COL6A6: variants seen among roughly 807,000 people sequenced by gnomAD.
COL6A6 encodes collagen type VI alpha 6 chain.
Under a neutral mutation model 208.6 loss-of-function variants are expected in COL6A6, and 183 were observed. That is an observed-to-expected ratio of 0.88 (90% CI 0.78 to 0.99). The LOEUF is 0.99. Among genes scored for constraint, COL6A6 ranks in the 50% least tolerant of loss-of-function variants. The probability of loss-of-function intolerance (pLI) is 0.00; values close to 1 mark genes in which losing one functional copy is unlikely to be tolerated. For synonymous variants in COL6A6, 973 were observed against 1,011.8 expected (o/e 0.96, Z 0.73); for missense variants, 2,816 against 2,815.2 (o/e 1.00, Z -0.01).
intron 26 of COL6A6, 25 bp from the exon 27 acceptor site, chr3:130,634,565 A>G (rs2065053395): frequency 2.5e-6 from 4 of 1,594,406 alleles, no homozygotes; most frequent in East Asian, 4.5e-5. Context: ...GTGCCTGTAT[A>G]AATCTTTCCT....
chr3:130,655,462 C>T (rs539760632), intron 33 of COL6A6, among the ~76,000 whole-genome samples: 2 of 152,206 alleles, frequency 1.3e-5, no homozygotes, highest in South Asian at 2.1e-4. Context: ...TGATCTTGGA[C>T]CCAGCCAATA....
intron 36 of COL6A6, among the ~76,000 whole-genome samples, chr3:130,669,322 G>A (rs1338048769): frequency 6.6e-6 from 1 of 152,110 alleles, no homozygotes; most frequent in Admixed American, 6.5e-5. Context: ...TCCAACTCAG[G>A]AGGTAGAGGT....
intron 7 of COL6A6, 38 bp from the exon 8 acceptor site, chr3:130,573,918 C>A: frequency 7.1e-7 from 1 of 1,416,950 alleles, no homozygotes. Context: ...GAAAGAATAA[C>A]AATCTGGGTT....
intron 8 of COL6A6, among the ~76,000 whole-genome samples, chr3:130,579,505 A>G (rs2063372480): frequency 6.6e-6 from 1 of 152,162 alleles, no homozygotes; most frequent in Admixed American, 6.5e-5. Context: ...TGCTATTTGG[A>G]GGACTAGTCA....
chr3:130,656,737 A>G (rs538078508), intron 33 of COL6A6, among the ~76,000 whole-genome samples: 81 of 152,342 alleles, frequency 5.3e-4, no homozygotes, highest in African/African-American at 1.9e-3. Context: ...CCTACAGGCC[A>G]GTACCAAGCT....
At position 130,586,526 on chromosome 3, in the gene COL6A6, G is replaced by C. The variant is rs775091755; in HGVS notation, c.3991G>C (p.Val1331Leu). Residue 1331 changes from valine (V) to leucine (L), a missense_variant, in exon 11 of 37, where the codon GTT becomes CTT. Val to Leu is a conservative substitution (Grantham distance 32, BLOSUM62 1). Coordinates refer to ENST00000358511, the MANE Select transcript of COL6A6 (RefSeq NM_001102608.3). ...RKEGLNALITVALDGPADSSD... is the reference protein window; with the variant it reads ...RKEGLNALITLALDGPADSSD... ...GATAGGCCTGAATGCCCTCATAACT[G>C]TTGCTCTGGATGGACCTGCTGATTC... 3 of 1,613,324 alleles carry C rather than the reference G, an allele frequency of 1.9e-6. No individual in the cohort carries two copies. Among genetic ancestry groups the C allele is most frequent in the Non-Finnish European group, 2.5e-6 (3 of 1,179,700 alleles).
intron 36 of COL6A6, among the ~76,000 whole-genome samples, chr3:130,671,098 T>G (rs955089440): frequency 9.2e-5 from 14 of 152,172 alleles, no homozygotes; most frequent in African/African-American, 3.1e-4. Context: ...TGGGGAAAGC[T>G]TATTGAATGA....
chr3:130,600,551 T>A (rs1428208394), intron 20 of COL6A6, among the ~76,000 whole-genome samples: 1 of 152,202 alleles, frequency 6.6e-6, no homozygotes, highest in Non-Finnish European at 1.5e-5. Flanking sequence ...AGGCATGAGA[T>A]CATGTCCTTT....
rs562900317 is a variant in COL6A6, at chr3:130,615,662, C to G, written c.4815+4951C>G. Among the ~76,000 whole-genome samples, 13 of 152,278 alleles carry G rather than the reference C, an allele frequency of 8.5e-5. No homozygotes were observed. In the East Asian group the frequency reaches 2.3e-3, roughly 27 times the overall value. The stretch of plus-strand genomic sequence containing the variant: ...TTGATGAAAATAACTATTTCGCATT[C>G]ATATCCTTGAATCAATAAAAGCTTG... On this transcript the variant is annotated intron_variant, in intron 23 of 36. Coordinates refer to ENST00000358511, the MANE Select transcript of COL6A6 (RefSeq NM_001102608.3).
At chr3:130,626,874 C>A (rs955862722) in intron 25 of COL6A6, among the ~76,000 whole-genome samples, 5 of 152,124 alleles carry the variant, frequency 3.3e-5, no homozygotes, top group Non-Finnish European at 2.9e-5. Context: ...TTCCATCCTT[C>A]CCCCACTGCT....
At chr3:130,520,818 C>G (rs184221461) in intron 1 of COL6A6, among the ~76,000 whole-genome samples, 1 of 152,304 alleles carries the variant, frequency 6.6e-6, no homozygotes, top group East Asian at 1.9e-4. Context: ...TCTATCACTA[C>G]TGACTCTAAA....
At position 130,676,218 on chromosome 3, in the gene COL6A6, C is replaced by T. The variant is rs2066355171; in HGVS notation, c.*821C>T. 6.6e-6 allele frequency: 1 copy of T among 152,162 alleles called. No individual in the cohort carries two copies. Among genetic ancestry groups the T allele is most frequent in the South Asian group, 2.1e-4 (1 of 4,832 alleles). The allele number at this position is 152,162 out of a possible 1,614,324, so 9.4% of individuals were successfully genotyped here. A position where few individuals can be genotyped will look rare whatever the true frequency, so the allele number is the denominator to read the frequency against. On this transcript the variant is annotated 3_prime_UTR_variant, in exon 37 of 37. Transcript: ENST00000358511. ...TAGATGAAGCTCTGAGTTACTTTTA[C>T]CCATCAGGTAGCTGTTTAGTCAATA...
intron 1 of COL6A6, among the ~76,000 whole-genome samples, chr3:130,534,845 A>G (rs1271024914): frequency 6.6e-6 from 1 of 152,050 alleles, no homozygotes; most frequent in African/African-American, 2.4e-5. Flanking sequence ...GAAAATCTAG[A>G]AGTAGATTTT....
chr3:130,565,320 CA>C lies in COL6A6; in HGVS notation c.989del (p.Gln330ArgfsTer10), dbSNP rs780320391. The C allele has an allele frequency of 3.1e-6, 5 of 1,614,004 alleles. No homozygotes were observed. The South Asian group carries it at 3.3e-5, about 11-fold the overall frequency. The stretch of plus-strand genomic sequence containing the variant: ...TGCACGGAATGGCAGTCGGAAGAAT[CA>C]GGGGGTGCCCCAGATTGCCGTGCTG... ...FSARNGSRKN[Q>X]GVPQIAVLVT... is the part of the protein sequence containing the mutation. On this transcript the variant is annotated frameshift_variant, in exon 4 of 37. Transcript: ENST00000358511. LOFTEE classifies it high-confidence loss of function.
chr3:130,669,565 G>A (rs1310724329), intron 36 of COL6A6, among the ~76,000 whole-genome samples: 2 of 152,036 alleles, frequency 1.3e-5, no homozygotes, highest in Non-Finnish European at 2.9e-5. Flanking sequence ...CAGAAGTCAT[G>A]ATTTAGGAAA....
At chr3:130,607,581 A>T (rs1165805705) in intron 21 of COL6A6, among the ~76,000 whole-genome samples, 1 of 152,224 alleles carries the variant, frequency 6.6e-6, no homozygotes, top group Non-Finnish European at 1.5e-5. Context: ...GTTAAAGATA[A>T]AAAGCATCTT....
At chr3:130,517,977 T>G (rs1471121169) in intron 1 of COL6A6, among the ~76,000 whole-genome samples, 2 of 152,206 alleles carry the variant, frequency 1.3e-5, no homozygotes, top group Non-Finnish European at 2.9e-5. Context: ...CATTCTACTC[T>G]GAGCGGAACC....
intron 3 of COL6A6, among the ~76,000 whole-genome samples, chr3:130,564,185 C>T (rs2062963031): frequency 6.6e-6 from 1 of 152,202 alleles, no homozygotes; most frequent in Non-Finnish European, 1.5e-5. Context: ...AAAGTCAGAG[C>T]TAACAGGCCA....
At chr3:130,548,110 A>T (rs2062561167) in intron 1 of COL6A6, among the ~76,000 whole-genome samples, 1 of 152,188 alleles carries the variant, frequency 6.6e-6, no homozygotes, top group South Asian at 2.1e-4. Context: ...GTTGTTTTAA[A>T]TCCTAGTATG....
Sources: gnomAD v4.1 joint callset for allele counts (sites outside exome capture counted in the v4.1 genomes callset) on GRCh38, gnomAD v4.1.1 for gene constraint, MANE v1.5 for transcripts, NCBI Gene and HGNC (gene_info 2026-07-23, HGNC 2026-07-21) for gene names.